The following GLMN variants were observed in gnomAD, a reference collection of about 807,000 sequenced individuals.
GLMN encodes the protein glomulin, FKBP associated protein.
GLMN carries 75 observed loss-of-function variants against 87.8 expected under a neutral mutation model. The observed-to-expected ratio is 0.85, with a 90% CI of 0.71 to 1.04. The LOEUF (loss-of-function observed/expected upper bound fraction) is 1.04. Among genes scored for constraint, GLMN ranks in the 50% least tolerant of loss-of-function variants. The probability of loss-of-function intolerance (pLI) is 0.00; values close to 1 mark genes in which losing one functional copy is unlikely to be tolerated. For missense variants in GLMN, 588 were observed against 658.8 expected (o/e 0.89, Z 1.18); for synonymous variants, 206 against 221.6 (o/e 0.93, Z 0.63).
At chr1:92,263,539 A>G in intron 15 of GLMN, 84 bp downstream of exon 15, 1 of 784,850 alleles carries the variant, frequency 1.3e-6, no homozygotes. Context: ...AGGAAAAGAC[A>G]TTTTATTACT....
the GLMN span, among the ~76,000 whole-genome samples, chr1:92,355,894 A>G: frequency 1.5e-3 from 233 of 152,350 alleles, no homozygotes; most frequent in African/African-American, 5.3e-3. Context: ...CATTTTAGAT[A>G]AGGGATACTC....
At chr1:92,316,350 C>T in the GLMN span, among the ~76,000 whole-genome samples, 1 of 152,248 alleles carries the variant, frequency 6.6e-6, no homozygotes, top group South Asian at 2.1e-4. Context: ...TAAAAGCTTT[C>T]TGAAACAGGG....
chr1:92,370,129 C>T, the GLMN span, among the ~76,000 whole-genome samples: 1 of 152,206 alleles, frequency 6.6e-6, no homozygotes, highest in South Asian at 2.1e-4. Context: ...AAGTGATCCG[C>T]CCGCATCAGC....
Position 92,297,727 on chromosome 1 carries a change from G to T in GLMN, c.40-198C>A, listed in dbSNP as rs945635323. The T allele has an allele frequency of 6.3e-6, 4 of 635,112 alleles. No homozygotes were observed. In the African/African-American group the frequency reaches 7.4e-5, roughly 12 times the overall value. 39.3% of individuals were successfully genotyped at this position (635,112 alleles called of 1,614,324 possible). ...TTAATAAGTGACCTTGAAATCTACT[G>T]TACCAGTGAAATCTATGAAAAGGAT... is the stretch of plus-strand genomic sequence containing the variant. On this transcript the variant is annotated intron_variant, in intron 2 of 18. Transcript: ENST00000370360.
At chr1:92,324,188 G>A in the GLMN span, 3 of 1,614,004 alleles carry the variant, frequency 1.9e-6, no homozygotes, top group African/African-American at 4.0e-5. Flanking sequence ...TTCCCTGCCT[G>A]GAGGGAATCT....
chr1:92,362,306 A>G, the GLMN span, among the ~76,000 whole-genome samples: 1 of 152,168 alleles, frequency 6.6e-6, no homozygotes, highest in Non-Finnish European at 1.5e-5. Context: ...TCTCATTCTG[A>G]TAATTCCAGT....
intron 9 of GLMN, 36 bp from the exon 10 acceptor site, chr1:92,268,171 A>C (rs1199633211): frequency 8.9e-7 from 1 of 1,126,068 alleles, no homozygotes; most frequent in Non-Finnish European, 1.3e-6. Context: ...ATGAATTTGT[A>C]AACTATTTTA....
chr1:92,325,447 C>CT, the GLMN span, among the ~76,000 whole-genome samples: 1 of 152,122 alleles, frequency 6.6e-6, no homozygotes, highest in Admixed American at 6.5e-5. Flanking sequence ...ACATTGATCT[C>CT]TGTCACTGAG....
the GLMN span, chr1:92,333,326 C>T: frequency 2.3e-6 from 3 of 1,284,514 alleles, no homozygotes; most frequent in African/African-American, 4.4e-5. Context: ...GTTTATTGTT[C>T]TGCTTATCAA....
chr1:92,322,804 G>T, the GLMN span, among the ~76,000 whole-genome samples: 3 of 151,496 alleles, frequency 2.0e-5, no homozygotes, highest in African/African-American at 7.3e-5. Flanking sequence ...TTGAACCTAG[G>T]GGGCAGAGGT....
Position 92,298,938 on chromosome 1 carries a change from C to T in GLMN, c.-44G>A, listed in dbSNP as rs886046548. 6.0e-5 allele frequency: 29 copies of T among 486,206 alleles called. No individual in the cohort carries two copies. The highest frequency in any genetic ancestry group is 1.0e-4 in the Non-Finnish European group (28 of 272,948). 30.1% of individuals were successfully genotyped at this position (486,206 alleles called of 1,614,324 possible). On this transcript the variant is annotated 5_prime_UTR_variant, in exon 1 of 19. Coordinates refer to ENST00000370360, the MANE Select transcript of GLMN (RefSeq NM_053274.3). The stretch of plus-strand genomic sequence containing the variant: ...AACTCCACTTACCGGCCAGAACCCT[C>T]GCCTCTCCCAGCCGCCGCCACCTCC...
rs547625852 is a variant in GLMN, at chr1:92,247,874, C to G, written c.1585+4G>C. 1.9e-6 allele frequency: 2 copies of G among 1,058,176 alleles called. No individual in the cohort carries two copies. The highest frequency in any genetic ancestry group is 3.1e-5 in the African/African-American group (2 of 64,446). 65.5% of individuals were successfully genotyped at this position (1,058,176 alleles called of 1,614,324 possible). ...AATTGAAAACAAAATTGCACATTAC[C>G]AACCTTGGCTATTTTTAATTTCTGC... On this transcript the variant is annotated splice_donor_region_variant and intron_variant, in intron 17 of 18. Transcript: ENST00000370360.
At chr1:92,352,310 G>A in the GLMN span, among the ~76,000 whole-genome samples, 10 of 152,266 alleles carry the variant, frequency 6.6e-5, no homozygotes, top group South Asian at 1.2e-3. Flanking sequence ...GACCATGATC[G>A]CTAAACAAAA....
chr1:92,288,260 A>G (rs1298794560), intron 6 of GLMN, among the ~76,000 whole-genome samples: 10 of 152,048 alleles, frequency 6.6e-5, no homozygotes, highest in African/African-American at 2.2e-4. Flanking sequence ...GCTTCCTTTG[A>G]AAGAGTAAAA....
the GLMN span, among the ~76,000 whole-genome samples, chr1:92,363,195 A>G: frequency 1.3e-5 from 2 of 152,212 alleles, no homozygotes; most frequent in African/African-American, 4.8e-5. Context: ...GAGGAACCTG[A>G]TGATAAGGGT....
chr1:92,359,053 CCCCACCTT>C, the GLMN span, among the ~76,000 whole-genome samples: 1 of 152,162 alleles, frequency 6.6e-6, no homozygotes, highest in Non-Finnish European at 1.5e-5. Context: ...TGTATCTTGC[CCCCACCTT>C]TTATGGAATT....
the GLMN span, among the ~76,000 whole-genome samples, chr1:92,367,021 A>G: frequency 3.3e-5 from 5 of 152,242 alleles, no homozygotes; most frequent in Non-Finnish European, 7.3e-5. Context: ...TGTTACTGCC[A>G]TGCAGGAAGA....
At chr1:92,361,130 T>C in the GLMN span, among the ~76,000 whole-genome samples, 285 of 109,430 alleles carry the variant, frequency 2.6e-3, 1 homozygote, top group African/African-American at 7.0e-3. Flanking sequence ...TATATATATA[T>C]ACACACACAT....
chr1:92,345,372 G>A, the GLMN span, among the ~76,000 whole-genome samples: 4 of 92,056 alleles, frequency 4.3e-5, no homozygotes, highest in Non-Finnish European at 5.9e-5. Context: ...GCAAGACCCC[G>A]TTTCTTTAAA....
Sources: allele counts gnomAD v4.1 joint callset (sites outside exome capture counted in the v4.1 genomes callset), GRCh38; gene constraint gnomAD v4.1.1; transcripts MANE v1.5; gene names NCBI Gene and HGNC (gene_info 2026-07-23, HGNC 2026-07-21).